YY1: variants seen among roughly 807,000 people sequenced by gnomAD.
YY1 encodes the protein YY1 transcription factor, also known as transcriptional repressor protein YY1.
YY1 carries 2 observed loss-of-function variants against 35.6 expected under a neutral mutation model. The observed-to-expected ratio is 0.06, with a 90% CI of 0.02 to 0.18. YY1 has a LOEUF of 0.18. Ranked by LOEUF, YY1 falls within the 10% of genes least tolerant of loss-of-function variation. YY1 has a pLI of 1.00. For synonymous variants in YY1, 268 were observed against 238.9 expected (o/e 1.12, Z -1.12); for missense variants, 322 against 573.4 (o/e 0.56, Z 4.48).
At chr14:100,268,058 A>G (rs972327463) in intron 2 of YY1, among the ~76,000 whole-genome samples, 4 of 152,210 alleles carry the variant, frequency 2.6e-5, no homozygotes, top group Non-Finnish European at 5.9e-5. Flanking sequence ...GCCAGACCAC[A>G]TCTTCGCTAA....
chr14:100,260,406 A>G (rs1181754590), intron 1 of YY1, among the ~76,000 whole-genome samples: 1 of 150,616 alleles, frequency 6.6e-6, no homozygotes, highest in East Asian at 1.9e-4. Context: ...AATGAATTAT[A>G]TGGGGTCTGA....
At position 100,239,349 on chromosome 14, in the gene YY1, C is replaced by G. The variant is rs759447929; in HGVS notation, c.105C>G (p.Thr35=). 6.2e-7 allele frequency: 1 copy of G among 1,604,422 alleles called. No homozygotes were observed. The highest frequency in any genetic ancestry group is 8.5e-7 in the Non-Finnish European group (1 of 1,176,170). The change falls in exon 1 of 5, where the codon ACC becomes ACG. Residue 35 remains threonine (T), a synonymous_variant. Coordinates refer to ENST00000262238, the MANE Select transcript of YY1 (RefSeq NM_003403.5). ...EIEVETIPVE[T]IETTVVGEEE... ...AGGTGGAGACCATCCCGGTGGAGAC[C>G]ATCGAGACCACAGTGGTGGGCGAGG...
chr14:100,276,930 A>C lies in YY1; in HGVS notation c.1062+282A>C. ...GGATTGAAGAGCATACCTAAAACTC[A>C]ATTTCTACTTCATTCATTACAGGAT... On this transcript the variant is annotated intron_variant, in intron 4 of 4. Coordinates refer to ENST00000262238, the MANE Select transcript of YY1 (RefSeq NM_003403.5). The surrounding 1 kb of genome is among the most constrained non-coding windows in gnomAD (Gnocchi z 4.1). 2.0e-6 allele frequency: 1 copy of C among 493,144 alleles called. No homozygotes were observed. The highest frequency in any genetic ancestry group is 3.4e-5 in the Admixed American group (1 of 29,636). The allele number at this position is 493,144 out of a possible 1,614,324, so 30.5% of individuals were successfully genotyped here.
chr14:100,246,275 G>A (rs761514462), intron 1 of YY1, among the ~76,000 whole-genome samples: 2 of 152,188 alleles, frequency 1.3e-5, no homozygotes, highest in African/African-American at 2.4e-5. Context: ...GATAGCACAG[G>A]TGCGGGGCCA....
chr14:100,277,724 T>G lies in YY1; in HGVS notation c.*124T>G. 1 of 1,040,186 alleles carries G rather than the reference T, an allele frequency of 9.6e-7. No homozygotes were observed. The highest frequency in any genetic ancestry group is 2.6e-5 in the East Asian group (1 of 38,418). 64.4% of individuals were successfully genotyped at this position (1,040,186 alleles called of 1,614,324 possible). ...ATTTTAAAAATGAATCCTACACACC[T>G]AAGGGACATGTTTTGATAAAGTAGT... On this transcript the variant is annotated 3_prime_UTR_variant, in exon 5 of 5. Transcript: ENST00000262238. This position sits in a 1 kb window ranked among gnomAD's most constrained non-coding sequence, Gnocchi z 5.6.
At chr14:100,269,283 C>T (rs1427296273) in intron 2 of YY1, among the ~76,000 whole-genome samples, 1 of 152,156 alleles carries the variant, frequency 6.6e-6, no homozygotes, top group Non-Finnish European at 1.5e-5. Flanking sequence ...GCTTAACATA[C>T]AGCTCTTAAG....
intron 1 of YY1, among the ~76,000 whole-genome samples, chr14:100,243,156 T>G (rs1051371332): frequency 6.6e-6 from 1 of 152,216 alleles, no homozygotes; most frequent in Non-Finnish European, 1.5e-5. Flanking sequence ...TGATTTCATC[T>G]TCAGAACTGA....
intron 1 of YY1, among the ~76,000 whole-genome samples, chr14:100,248,679 CTTTTT>C (rs11415073): frequency 1.1e-4 from 12 of 105,008 alleles, no homozygotes; most frequent in African/African-American, 3.7e-4. Flanking sequence ...GAGTAAAATT[CTTTTT>C]TTTTTTTTTT....
intron 2 of YY1, among the ~76,000 whole-genome samples, chr14:100,272,954 G>GTTGTT (rs34406679): frequency 0.016 from 2,231 of 141,114 alleles, 52 homozygotes; most frequent in African/African-American, 0.041. Context: ...GTTTTTTGTT[G>GTTGTT]TTTTTTTTTT....
At chr14:100,253,454 G>A (rs1039935070) in intron 1 of YY1, among the ~76,000 whole-genome samples, 1 of 152,220 alleles carries the variant, frequency 6.6e-6, no homozygotes, top group African/African-American at 2.4e-5. Flanking sequence ...GTCTCGCTCT[G>A]TTGCCCAGCC....
intron 2 of YY1, among the ~76,000 whole-genome samples, chr14:100,265,085 G>A (rs1393199109): frequency 6.6e-6 from 1 of 151,782 alleles, no homozygotes; most frequent in Non-Finnish European, 1.5e-5. Flanking sequence ...CTCTAAAAAA[G>A]AAGGAAACTG....
rs370129243 is a variant in YY1, at chr14:100,245,537, TG to T, written c.679+5618del. Among the ~76,000 whole-genome samples, 177 of 152,298 alleles carry T rather than the reference TG, an allele frequency of 1.2e-3. 1 individual carries two copies. The highest frequency in any genetic ancestry group is 3.9e-3 in the African/African-American group (162 of 41,558). The stretch of plus-strand genomic sequence containing the variant: ...AATAAACATTTCAGTGTTGATAGAT[TG>T]GGGCACAGTACTATATATTTTTTCC... On this transcript the variant is annotated intron_variant, in intron 1 of 4. Transcript: ENST00000262238.
intron 1 of YY1, among the ~76,000 whole-genome samples, chr14:100,258,967 C>T (rs1203502780): frequency 2.6e-5 from 4 of 152,140 alleles, no homozygotes; most frequent in Admixed American, 6.5e-5. Context: ...GTGTGCTAAG[C>T]AGTTATATGT....
chr14:100,272,035 G>A (rs1205054011), intron 2 of YY1, among the ~76,000 whole-genome samples: 2 of 152,034 alleles, frequency 1.3e-5, no homozygotes, highest in Admixed American at 6.6e-5. Context: ...TTGGGAAGGG[G>A]GAGGACACTG....
chr14:100,249,504 C>G (rs1176491376), intron 1 of YY1, among the ~76,000 whole-genome samples: 1 of 152,060 alleles, frequency 6.6e-6, no homozygotes, highest in Admixed American at 6.6e-5. Flanking sequence ...AGAAGCTGTT[C>G]TGTTGGTGTC....
chr14:100,260,446 T>TACAC (rs71113252), intron 1 of YY1, among the ~76,000 whole-genome samples: 31 of 139,372 alleles, frequency 2.2e-4, no homozygotes, highest in African/African-American at 7.6e-4. Flanking sequence ...TATATATATA[T>TACAC]ACACACACAC....
At chr14:100,241,535 C>T (rs747991937) in intron 1 of YY1, among the ~76,000 whole-genome samples, 1 of 151,872 alleles carries the variant, frequency 6.6e-6, no homozygotes, top group Non-Finnish European at 1.5e-5. Flanking sequence ...ATCCAGGGTG[C>T]CTTGTAGAAT....
In YY1 at chr14:100,277,108, C is replaced by T. The variant is rs1595334949; in HGVS notation, c.1063-310C>T. On this transcript the variant is annotated intron_variant, in intron 4 of 4. Transcript: ENST00000262238. The surrounding 1 kb of genome is among the most constrained non-coding windows in gnomAD (Gnocchi z 5.6). ...CGTGGTTCTTTTTTGACAACTGACACCAGAACCCTTAATCATTTGTATTTT... is the reference window on the plus strand; with the variant it reads ...CGTGGTTCTTTTTTGACAACTGACATCAGAACCCTTAATCATTTGTATTTT... 1 of 480,184 alleles carries T rather than the reference C, an allele frequency of 2.1e-6. No homozygotes were observed. The highest frequency in any genetic ancestry group is 3.8e-6 in the Non-Finnish European group (1 of 264,302). 29.7% of individuals were successfully genotyped at this position (480,184 alleles called of 1,614,324 possible). A position where few individuals can be genotyped will look rare whatever the true frequency, so the allele number is the denominator to read the frequency against.
intron 1 of YY1, among the ~76,000 whole-genome samples, chr14:100,261,201 T>G (rs1377792052): frequency 3.3e-5 from 5 of 152,026 alleles, no homozygotes; most frequent in African/African-American, 1.2e-4. Flanking sequence ...TTTTGCTTTG[T>G]TTTTTTGAGA....
Sources: allele counts gnomAD v4.1 joint callset (sites outside exome capture counted in the v4.1 genomes callset), GRCh38; gene constraint gnomAD v4.1.1; non-coding constraint Gnocchi (gnomAD v3.1); transcripts MANE v1.5; gene names NCBI Gene and HGNC (gene_info 2026-07-23, HGNC 2026-07-21).